Variants in ARHGAP26 observed in about 807,000 individuals in gnomAD.
ARHGAP26 encodes Rho GTPase activating protein 26.
Under a neutral mutation model 104.8 loss-of-function variants are expected in ARHGAP26, and 38 were observed. That is an observed-to-expected ratio of 0.36 (90% CI 0.28 to 0.48). The LOEUF is 0.48. ARHGAP26 is among the 20% of genes least tolerant of loss of function. The pLI, the probability that ARHGAP26 is intolerant of heterozygous loss-of-function variation, is 0.99. For missense variants in ARHGAP26, 704 were observed against 947.9 expected (o/e 0.74, Z 3.38); for synonymous variants, 341 against 340.0 (o/e 1.00, Z -0.03).
chr5:142,982,002 C>T (rs1200288857), intron 11 of ARHGAP26, among the ~76,000 whole-genome samples: 1 of 152,250 alleles, frequency 6.6e-6, no homozygotes, highest in African/African-American at 2.4e-5. Flanking sequence ...TTTCTCCAAT[C>T]CATTTGACCT....
At position 143,225,527 on chromosome 5, in the gene ARHGAP26, A is replaced by T. The variant is rs1289818245; in HGVS notation, c.*3081A>T. On this transcript the variant is annotated 3_prime_UTR_variant, in exon 23 of 23. Coordinates refer to ENST00000645722, the MANE Select transcript of ARHGAP26 (RefSeq NM_001135608.3). Reference sequence around the variant, plus strand: ...GAAGTTGTAATCTGTCCCATCATAAACTTACCTGGAGCTCATGTGGAGGAA... The same window carrying T: ...GAAGTTGTAATCTGTCCCATCATAATCTTACCTGGAGCTCATGTGGAGGAA... The T allele has an allele frequency of 7.2e-5, 15 of 209,272 alleles. No individual in the cohort carries two copies. The Admixed American group carries it at 8.3e-4, about 12-fold the overall frequency. 13.0% of individuals were successfully genotyped at this position (209,272 alleles called of 1,614,324 possible). A position where few individuals can be genotyped will look rare whatever the true frequency, so the allele number is the denominator to read the frequency against.
At chr5:143,035,710 T>C (rs573276483) in intron 12 of ARHGAP26, among the ~76,000 whole-genome samples, 1 of 151,620 alleles carries the variant, frequency 6.6e-6, no homozygotes, top group South Asian at 2.1e-4. Context: ...CCGAGGCGGG[T>C]AGATCACCTG....
intron 19 of ARHGAP26, among the ~76,000 whole-genome samples, chr5:143,142,765 A>T (rs770748023): frequency 6.6e-6 from 1 of 152,104 alleles, no homozygotes; most frequent in Non-Finnish European, 1.5e-5. Context: ...CTGTGCACTC[A>T]TCACTTTTTA....
At chr5:143,173,094 A>G (rs930637873) in intron 20 of ARHGAP26, 6 of 173,818 alleles carry the variant, frequency 3.5e-5, no homozygotes, top group African/African-American at 1.4e-4. Flanking sequence ...ACAGAGACAG[A>G]CTCAGGATGC....
chr5:143,097,216 G>C (rs997827626), intron 17 of ARHGAP26, among the ~76,000 whole-genome samples: 1 of 151,936 alleles, frequency 6.6e-6, no homozygotes, highest in Non-Finnish European at 1.5e-5. Context: ...GTGCGTGCCT[G>C]TAATCTGGGG....
intron 20 of ARHGAP26, 46 bp downstream of exon 20, chr5:143,147,427 C>T: frequency 6.3e-7 from 1 of 1,582,678 alleles, no homozygotes. Context: ...CTTTGGTCAG[C>T]CATTCCACCT....
chr5:142,827,654 G>A (rs1454872334), intron 1 of ARHGAP26, among the ~76,000 whole-genome samples: 2 of 152,298 alleles, frequency 1.3e-5, no homozygotes, highest in African/African-American at 2.4e-5. Flanking sequence ...GGTCAATGGC[G>A]TGGGCTATTG....
At chr5:143,169,383 G>T (rs1381084123) in intron 20 of ARHGAP26, 1 of 152,228 alleles carries the variant, frequency 6.6e-6, no homozygotes, top group African/African-American at 2.4e-5. Context: ...GGGCACAGGT[G>T]TTGCCATCAG....
At chr5:142,949,782 T>C (rs1319079511) in intron 11 of ARHGAP26, among the ~76,000 whole-genome samples, 1 of 152,198 alleles carries the variant, frequency 6.6e-6, no homozygotes, top group Non-Finnish European at 1.5e-5. Flanking sequence ...TGGATCAATA[T>C]GGACAGGGGC....
intron 11 of ARHGAP26, among the ~76,000 whole-genome samples, chr5:142,978,755 T>C (rs1773499082): frequency 6.6e-6 from 1 of 151,826 alleles, no homozygotes; most frequent in Admixed American, 6.6e-5. Context: ...GCCTTTTTTT[T>C]TTTTTTTTTT....
intron 8 of ARHGAP26, among the ~76,000 whole-genome samples, chr5:142,904,330 A>C (rs1760794802): frequency 6.6e-6 from 1 of 151,906 alleles, no homozygotes; most frequent in Admixed American, 6.6e-5. Context: ...GTCTCTACAA[A>C]AATACAAAAA....
At position 142,810,504 on chromosome 5, in the gene ARHGAP26, G is replaced by T. The variant is rs182151354; in HGVS notation, c.154+39589G>T. On this transcript the variant is annotated intron_variant, in intron 1 of 22. Transcript: ENST00000645722. ...CCTCTCCCCCATCTCTTTCTTTTTT[G>T]TGTGTGTAGTCATTTATTAAGGGAT... Among the ~76,000 whole-genome samples the T allele has an allele frequency of 3.6e-3, 540 of 151,880 alleles. 2 individuals carry two copies. The highest frequency in any genetic ancestry group is 0.018 in the Admixed American group (281 of 15,264).
chr5:142,999,176 A>G (rs1776854970), intron 11 of ARHGAP26, among the ~76,000 whole-genome samples: 2 of 152,196 alleles, frequency 1.3e-5, no homozygotes, highest in South Asian at 4.1e-4. Flanking sequence ...TCCGGGTCCC[A>G]CAGTAAGGCA....
At chr5:143,075,149 A>G (rs777052286) in intron 17 of ARHGAP26, among the ~76,000 whole-genome samples, 3 of 152,202 alleles carry the variant, frequency 2.0e-5, no homozygotes, top group Non-Finnish European at 4.4e-5. Flanking sequence ...ATTAAAGTTA[A>G]TTGTTACCTA....
At chr5:143,221,762 A>C (rs972305191) in intron 22 of ARHGAP26, among the ~76,000 whole-genome samples, 5 of 152,156 alleles carry the variant, frequency 3.3e-5, no homozygotes, top group African/African-American at 1.2e-4. Flanking sequence ...GGCTAAAGCA[A>C]TTCACCTGCC....
intron 14 of ARHGAP26, among the ~76,000 whole-genome samples, chr5:143,048,207 T>G (rs1222529787): frequency 6.6e-6 from 1 of 152,176 alleles, no homozygotes; most frequent in Non-Finnish European, 1.5e-5. Context: ...ATTTTCAATA[T>G]GTTTTGTAAG....
intron 20 of ARHGAP26, among the ~76,000 whole-genome samples, chr5:143,149,206 A>G (rs978562580): frequency 6.6e-6 from 1 of 151,944 alleles, no homozygotes; most frequent in African/African-American, 2.4e-5. Flanking sequence ...TGGGGAAGGG[A>G]GGGTGATAAC....
intron 11 of ARHGAP26, among the ~76,000 whole-genome samples, chr5:142,965,758 G>C (rs989742528): frequency 2.0e-5 from 3 of 152,156 alleles, no homozygotes; most frequent in African/African-American, 7.2e-5. Context: ...CTCGGCACCT[G>C]GGTGGCTTGC....
rs779395323 is a variant in ARHGAP26 at position 143,147,326 on chromosome 5, A to G, written c.1933A>G (p.Met645Val). The G allele has an allele frequency of 3.1e-6, 5 of 1,613,948 alleles. No homozygotes were observed. The Admixed American group carries it at 5.0e-5, about 16-fold the overall frequency. ...TTCCAGCAGCAGCTTACAGCCCAACATGAACTCCAGTGACCCAGACCTGGC... is the reference window on the plus strand; with the variant it reads ...TTCCAGCAGCAGCTTACAGCCCAACGTGAACTCCAGTGACCCAGACCTGGC... ...LNSSSSLQPN[M>V]NSSDPDLAVV... The change falls in exon 20 of 23, where the codon ATG becomes GTG. Residue 645 changes from methionine (M) to valine (V), a missense_variant. Physicochemically the swap from Met to Val is conservative, Grantham distance 21. This residue lies in a region of ARHGAP26 where 217 missense variants were observed against 242.6 expected (regional missense o/e 0.89). Coordinates refer to ENST00000645722, the MANE Select transcript of ARHGAP26 (RefSeq NM_001135608.3).
Sources: allele counts gnomAD v4.1 joint callset (sites outside exome capture counted in the v4.1 genomes callset), GRCh38; gene constraint gnomAD v4.1.1; regional missense constraint gnomAD v4.1.1; transcripts MANE v1.5; gene names NCBI Gene and HGNC (gene_info 2026-07-23, HGNC 2026-07-21).